Variants in SLCO3A1 observed in about 807,000 individuals in gnomAD.
The protein encoded by SLCO3A1 is PGE1 transporter.
Under a neutral mutation model 63.1 loss-of-function variants are expected in SLCO3A1, and 27 were observed. That is an observed-to-expected ratio of 0.43 (90% CI 0.32 to 0.59). The LOEUF (loss-of-function observed/expected upper bound fraction) is 0.59, where lower values mean the gene tolerates loss of function less well. SLCO3A1 is among the 20% of genes least tolerant of loss of function. SLCO3A1 has a pLI of 0.09. For missense variants in SLCO3A1, 773 were observed against 945.8 expected, an observed-to-expected ratio of 0.82 and a Z score of 2.40; for synonymous variants, 473 against 409.9, an observed-to-expected ratio of 1.15 and a Z score of -1.86.
exon 11 of SLCO3A1, chr15:92,171,820 C>A (rs1183267155): frequency 1.3e-6 from 2 of 1,551,606 alleles, no homozygotes; most frequent in Non-Finnish European, 1.7e-6. Flanking sequence ...AAACCTGCCC[C>A]GAATCACATT....
At chr15:92,047,316 AAT>A (rs1356293012) in intron 2 of SLCO3A1, among the ~76,000 whole-genome samples, 33 of 3,276 alleles carry the variant, frequency 0.01, 1 homozygote, top group Middle Eastern at 0.25. Flanking sequence ...TATATATACA[AAT>A]ATATATATAA....
chr15:91,962,318 A>G (rs2151421958), intron 2 of SLCO3A1, among the ~76,000 whole-genome samples: 1 of 152,086 alleles, frequency 6.6e-6, no homozygotes, highest in South Asian at 2.1e-4. Flanking sequence ...TGTCTTTACT[A>G]AAAATACAAA....
chr15:92,028,423 C>T (rs2046603250), intron 2 of SLCO3A1, among the ~76,000 whole-genome samples: 1 of 152,194 alleles, frequency 6.6e-6, no homozygotes, highest in African/African-American at 2.4e-5. Flanking sequence ...CCATGCTTCA[C>T]TCAGCAAAAG....
intron 1 of SLCO3A1, among the ~76,000 whole-genome samples, chr15:91,880,156 TCCATCCATCCATCC>T (rs1272950268): frequency 6.6e-6 from 1 of 150,736 alleles, no homozygotes; most frequent in African/African-American, 2.5e-5. Context: ...CATCCATCCA[TCCATCCATCCATCC>T]ATCTATCTAT....
In SLCO3A1 at chr15:91,968,104, T is replaced by TA. The variant is rs1271643684; in HGVS notation, c.646+51647dup. Among the ~76,000 whole-genome samples the TA allele has an allele frequency of 3.3e-5, 5 of 152,118 alleles. No individual in the cohort carries two copies. Among genetic ancestry groups the TA allele is most frequent in the Admixed American group, 6.5e-5 (1 of 15,274 alleles). ...CTGGAAAGTACCCAGGGAAGCCACT[T>TA]ACGGCCTATCCATCAAAGCACAGTG... On this transcript the variant is annotated intron_variant, in intron 2 of 9. Transcript: ENST00000318445. The surrounding 1 kb of genome is among the most constrained non-coding windows in gnomAD (Gnocchi z 4.2).
intron 2 of SLCO3A1, among the ~76,000 whole-genome samples, chr15:91,996,400 A>G (rs79330121): frequency 0.017 from 2,540 of 152,274 alleles, 77 homozygotes; most frequent in African/African-American, 0.058. Context: ...TCAGTATCAT[A>G]AACATTTTTT....
At chr15:91,988,827 C>T (rs2046088513) in intron 2 of SLCO3A1, among the ~76,000 whole-genome samples, 1 of 152,204 alleles carries the variant, frequency 6.6e-6, no homozygotes, top group Non-Finnish European at 1.5e-5. Context: ...GCTTCAGTTT[C>T]ATACAGTTAA....
At chr15:91,926,261 A>G (rs1899006709) in intron 2 of SLCO3A1, among the ~76,000 whole-genome samples, 1 of 152,172 alleles carries the variant, frequency 6.6e-6, no homozygotes, top group South Asian at 2.1e-4. Flanking sequence ...CTCCCTACCT[A>G]TCAAAAACAA....
In SLCO3A1 at chr15:91,914,567, CTTTTT is replaced by C. The variant is rs556314311; in HGVS notation, c.181-1411_181-1407del. ...CCCCACCTTTCCAACTATTTTCTTC[CTTTTT>C]TTTTTTTTTTTTTTGGAAGCAAGGT... On this transcript the variant is annotated intron_variant, in intron 1 of 9. Coordinates refer to ENST00000318445, the MANE Select transcript of SLCO3A1 (RefSeq NM_013272.4). Among the ~76,000 whole-genome samples, 15 of 122,246 alleles carry C rather than the reference CTTTTT, an allele frequency of 1.2e-4. No homozygotes were observed. In the South Asian group the frequency reaches 1.4e-3, roughly 11 times the overall value. The allele number at this position is 122,246 out of a possible 152,430, so 80.2% of individuals were successfully genotyped here.
chr15:92,042,898 C>T (rs2046816549), intron 2 of SLCO3A1, among the ~76,000 whole-genome samples: 1 of 152,106 alleles, frequency 6.6e-6, no homozygotes, highest in Admixed American at 6.6e-5. Flanking sequence ...CATAGGAAGT[C>T]ATCAGCAGGT....
At chr15:91,904,919 A>G (rs72750079) in intron 1 of SLCO3A1, among the ~76,000 whole-genome samples, 1 of 152,320 alleles carries the variant, frequency 6.6e-6, no homozygotes, top group Non-Finnish European at 1.5e-5. Flanking sequence ...TACCTCTCTG[A>G]TGGTTTGCTC....
chr15:91,861,884 C>T (rs1448156332), intron 1 of SLCO3A1, among the ~76,000 whole-genome samples: 1 of 148,848 alleles, frequency 6.7e-6, no homozygotes, highest in Non-Finnish European at 1.5e-5. Flanking sequence ...AAGTGATCCA[C>T]CTGCCTTGGC....
intron 2 of SLCO3A1, among the ~76,000 whole-genome samples, chr15:92,047,520 TAA>T (rs2046895067): frequency 3.1e-5 from 1 of 31,824 alleles, no homozygotes; most frequent in Non-Finnish European, 5.2e-5. Flanking sequence ...TATAAATACA[TAA>T]ATAAATATAT....
intron 2 of SLCO3A1, among the ~76,000 whole-genome samples, chr15:91,939,308 A>G (rs1225081936): frequency 2.0e-5 from 3 of 152,248 alleles, no homozygotes; most frequent in East Asian, 3.9e-4. Flanking sequence ...CAGCACCAAG[A>G]GGATGGTGCT....
chr15:92,113,997 C>T (rs917777856), intron 4 of SLCO3A1, among the ~76,000 whole-genome samples: 1 of 152,146 alleles, frequency 6.6e-6, no homozygotes, highest in African/African-American at 2.4e-5. Context: ...TTCAAAGCCT[C>T]CTAGATGATT....
intron 2 of SLCO3A1, among the ~76,000 whole-genome samples, chr15:92,001,491 C>T (rs938070784): frequency 9.8e-5 from 15 of 152,302 alleles, no homozygotes; most frequent in East Asian, 9.7e-4. Context: ...CTCCTGTGCC[C>T]GCTGGCCTGC....
At chr15:91,963,412 G>A (rs4559886) in intron 2 of SLCO3A1, among the ~76,000 whole-genome samples, 4 of 58,228 alleles carry the variant, frequency 6.9e-5, no homozygotes, top group East Asian at 7.6e-4. Context: ...GGAGGGTGGG[G>A]GGGGGGGGCG....
In SLCO3A1 at chr15:91,965,126, G is replaced by C. The variant is rs370462378; in HGVS notation, c.646+48668G>C. On this transcript the variant is annotated intron_variant, in intron 2 of 9. Coordinates refer to ENST00000318445, the MANE Select transcript of SLCO3A1 (RefSeq NM_013272.4). The stretch of plus-strand genomic sequence containing the variant: ...TGGATGATTAGGGTTTTTAGAATCT[G>C]TTGGGAAGGGGAAGAGGTATACATT... Among the ~76,000 whole-genome samples, 254 of 152,260 alleles carry C rather than the reference G, an allele frequency of 1.7e-3. 1 individual carries two copies. Among genetic ancestry groups the C allele is most frequent in the African/African-American group, 5.8e-3 (242 of 41,540 alleles).
At chr15:92,018,411 A>G (rs935464617) in intron 2 of SLCO3A1, among the ~76,000 whole-genome samples, 2 of 152,264 alleles carry the variant, frequency 1.3e-5, no homozygotes, top group African/African-American at 2.4e-5. Flanking sequence ...TCCACAGAAC[A>G]TGGTGCTCCC....
Sources: allele counts gnomAD v4.1 joint callset (sites outside exome capture counted in the v4.1 genomes callset), GRCh38; gene constraint gnomAD v4.1.1; non-coding constraint Gnocchi (gnomAD v3.1); transcripts MANE v1.5; gene names NCBI Gene and HGNC (gene_info 2026-07-23, HGNC 2026-07-21).